MIA3: variants seen among roughly 807,000 people sequenced by gnomAD.
MIA3 encodes the protein transport and Golgi organization protein 1 homolog.
In MIA3, 90 loss-of-function variants were observed where a neutral mutation model predicts 192.4. That is an observed-to-expected ratio of 0.47 (90% CI 0.39 to 0.56). MIA3 has a LOEUF of 0.56. Ranked by LOEUF, MIA3 falls within the 20% of genes least tolerant of loss-of-function variation. The pLI is 0.00. For synonymous variants in MIA3, 740 were observed against 792.8 expected, an observed-to-expected ratio of 0.93 and a Z score of 1.12; for missense variants, 2,123 against 2,269.4, an observed-to-expected ratio of 0.94 and a Z score of 1.31.
chr1:222,646,967 G>A (rs1415736634), intron 7 of MIA3, among the ~76,000 whole-genome samples: 3 of 152,086 alleles, frequency 2.0e-5, no homozygotes, highest in African/African-American at 4.8e-5. Flanking sequence ...TTAAGGTATA[G>A]ATAAACTGTA....
chr1:222,643,142 A>G (rs1167659732), intron 6 of MIA3, among the ~76,000 whole-genome samples: 2 of 149,274 alleles, frequency 1.3e-5, no homozygotes, highest in East Asian at 4.0e-4. Context: ...ATACATAGAG[A>G]CAGTCACTCA....
Position 222,650,644 on chromosome 1 carries a change from C to A in MIA3, c.3731C>A (p.Ser1244Ter). ...LSNYEQKIKESKKHVQETRKQ... is the reference protein window; with the variant it reads ...LSNYEQKIKE ...CTTTATTTTATATAGATCAAGGAAT[C>A]AAAGAAACATGTTCAGGAAACCAGG... Residue 1244 changes from serine (S) to a stop codon, truncating the protein, a stop_gained, in exon 10 of 28, where the codon TCA (serine) becomes TAA (stop). Transcript: ENST00000344922. LOFTEE classifies it high-confidence loss of function. 6.3e-7 allele frequency: 1 copy of A among 1,585,986 alleles called. No homozygotes were observed. The highest frequency in any genetic ancestry group is 1.1e-5 in the South Asian group (1 of 87,978).
intron 6 of MIA3, among the ~76,000 whole-genome samples, chr1:222,644,952 A>G (rs1422039747): frequency 1.3e-5 from 2 of 152,208 alleles, no homozygotes. Context: ...TAGAGCAGAC[A>G]GGTGTTTAAT....
chr1:222,629,092 T>C lies in MIA3; in HGVS notation c.1872T>C (p.Leu624=). The C allele has an allele frequency of 1.2e-6, 2 of 1,614,210 alleles. No individual in the cohort carries two copies. Among genetic ancestry groups the C allele is most frequent in the East Asian group, 2.2e-5 (1 of 44,890 alleles). ...QREELKEELV[L]KTQNQPRFSS... ...AGGAATTGAAAGAGGAATTAGTTCT[T>C]AAAACTCAAAACCAACCTAGATTCT... Residue 624 remains leucine, a synonymous_variant, in exon 4 of 28, where the codon CTT becomes CTC. Transcript: ENST00000344922.
chr1:222,627,716 GA>G lies in MIA3; in HGVS notation c.503del (p.Asn168ThrfsTer15). On this transcript the variant is annotated frameshift_variant, in exon 4 of 28. Transcript: ENST00000344922. LOFTEE classifies it high-confidence loss of function. The part of the protein sequence containing the change: ...KAVEKTLQDM[E>X]KNPELSKERE... ...TGTAGAAAAAACTTTACAGGATATG[GA>G]AAAAAACCCTGAATTATCTAAGGAA... 6.2e-7 allele frequency: 1 copy of G among 1,613,482 alleles called. No homozygotes were observed. The highest frequency in any genetic ancestry group is 1.1e-5 in the South Asian group (1 of 90,904).
At chr1:222,638,556 G>T (rs1571879134) in intron 6 of MIA3, among the ~76,000 whole-genome samples, 1 of 149,902 alleles carries the variant, frequency 6.7e-6, no homozygotes, top group Non-Finnish European at 1.5e-5. Context: ...ACACAGCTGG[G>T]CATGGTGGCA....
At chr1:222,650,951 CT>C in intron 11 of MIA3, 48 bp downstream of exon 11, 2 of 1,117,698 alleles carry the variant, frequency 1.8e-6, no homozygotes, top group Middle Eastern at 2.0e-4. Context: ...GTTTTGAACT[CT>C]TTTGTAGATT....
chr1:222,619,731 A>T (rs1334660635), intron 1 of MIA3, among the ~76,000 whole-genome samples: 1 of 152,264 alleles, frequency 6.6e-6, no homozygotes, highest in African/African-American at 2.4e-5. Flanking sequence ...GTACTGAGGC[A>T]TGATGTTAGA....
At chr1:222,626,437 A>C (rs558736009) in intron 3 of MIA3, among the ~76,000 whole-genome samples, 1 of 152,314 alleles carries the variant, frequency 6.6e-6, no homozygotes, top group Admixed American at 6.5e-5. Flanking sequence ...GGAAAGAGGG[A>C]AGTCATTCAT....
At chr1:222,649,185 G>A (rs1663293755) in intron 8 of MIA3, 3 of 176,108 alleles carry the variant, frequency 1.7e-5, no homozygotes, top group Non-Finnish European at 3.6e-5. Flanking sequence ...ATTTATTTAA[G>A]TAGATAATTT....
Position 222,654,697 on chromosome 1 carries a change from C to G in MIA3, c.4511C>G (p.Ala1504Gly). ...GAAGATGACCGCAACTCACTACAAG[C>G]TGCCAAAGCTGGACTGGAAGATGAA... ...KLEDDRNSLQ[A>G]AKAGLEDECK... The change falls in exon 18 of 28, where the codon GCT (alanine) becomes GGT (glycine). Residue 1504 changes from alanine to glycine, a missense_variant. By Grantham distance (60) the Ala-to-Gly change is moderately conservative (BLOSUM62 0). Around this residue, in one of 3 missense-constraint regions of MIA3, gnomAD observed 762 missense variants for 856.4 expected, o/e 0.89. Coordinates refer to ENST00000344922, the MANE Select transcript of MIA3 (RefSeq NM_198551.4). The G allele has an allele frequency of 6.2e-7, 1 of 1,614,092 alleles. No individual in the cohort carries two copies. Among genetic ancestry groups the G allele is most frequent in the South Asian group, 1.1e-5 (1 of 91,082 alleles).
chr1:222,658,971 A>C, intron 19 of MIA3, 148 bp downstream of exon 19: 1 of 572,274 alleles, frequency 1.7e-6, no homozygotes, highest in South Asian at 2.2e-5. Context: ...TAACAAATGG[A>C]AAAATATTAA....
chr1:222,635,474 G>A (rs1434334437), intron 6 of MIA3, among the ~76,000 whole-genome samples: 2 of 152,124 alleles, frequency 1.3e-5, no homozygotes, highest in Non-Finnish European at 2.9e-5. Flanking sequence ...GCATTTTGAT[G>A]GCTAAATATG....
intron 13 of MIA3, among the ~76,000 whole-genome samples, chr1:222,652,627 G>T (rs1467732451): frequency 1.3e-5 from 2 of 152,162 alleles, no homozygotes; most frequent in Non-Finnish European, 2.9e-5. Flanking sequence ...TGGCTTTTTA[G>T]ACCCAAGAGT....
At chr1:222,646,544 GAGTTTGAGACC>G (rs1306645985) in intron 7 of MIA3, among the ~76,000 whole-genome samples, 3 of 152,064 alleles carry the variant, frequency 2.0e-5, no homozygotes, top group African/African-American at 7.3e-5. Context: ...ATAAGGCCAG[GAGTTTGAGACC>G]AGCCTGACCA....
chr1:222,666,052 A>C lies in MIA3; in HGVS notation c.*433A>C, dbSNP rs1036033244. 6.5e-6 allele frequency: 1 copy of C among 153,142 alleles called. No homozygotes were observed. The highest frequency in any genetic ancestry group is 2.4e-5 in the African/African-American group (1 of 41,474). The allele number at this position is 153,142 out of a possible 1,614,324, so 9.5% of individuals were successfully genotyped here. Reference sequence around the variant, plus strand: ...AAACTATCTGGTCACAAAGACTGTTACGCTAAAAATGTTTACTAAAAGATC... The same window carrying C: ...AAACTATCTGGTCACAAAGACTGTTCCGCTAAAAATGTTTACTAAAAGATC... On this transcript the variant is annotated 3_prime_UTR_variant, in exon 28 of 28. Transcript: ENST00000344922.
At chr1:222,624,675 T>C (rs1023647311) in intron 2 of MIA3, 93 bp from the exon 3 acceptor site, 2 of 666,756 alleles carry the variant, frequency 3.0e-6, no homozygotes, top group African/African-American at 1.8e-5. Flanking sequence ...TTGCTTGATA[T>C]GTGCTGTAGA....
intron 24 of MIA3, 32 bp from the exon 25 acceptor site, chr1:222,662,024 A>ACATATAAG: frequency 6.4e-7 from 1 of 1,566,924 alleles, no homozygotes; most frequent in Non-Finnish European, 8.7e-7. Flanking sequence ...TCCAAAAAAT[A>ACATATAAG]CATATAAGGA....
chr1:222,637,069 G>C (rs952371509), intron 6 of MIA3, among the ~76,000 whole-genome samples: 1 of 152,162 alleles, frequency 6.6e-6, no homozygotes, highest in Non-Finnish European at 1.5e-5. Context: ...AATATCTTTT[G>C]TTTAGTTTGC....
Sources: allele counts gnomAD v4.1 joint callset (sites outside exome capture counted in the v4.1 genomes callset), GRCh38; gene constraint gnomAD v4.1.1; regional missense constraint gnomAD v4.1.1; transcripts MANE v1.5; gene names NCBI Gene and HGNC (gene_info 2026-07-23, HGNC 2026-07-21).